Variants in TLDC2 observed in about 807,000 individuals in gnomAD.
The protein encoded by TLDC2 is TBC/LysM-associated domain containing 2.
TLDC2 carries 23 observed loss-of-function variants against 27.9 expected under a neutral mutation model. The ratio of observed to expected loss-of-function variants is 0.82; its 90% CI spans 0.59 to 1.17. TLDC2 has a LOEUF of 1.17. Ranked by LOEUF, TLDC2 falls within the 50% of genes most tolerant of loss-of-function variation. The pLI, the probability that TLDC2 is intolerant of heterozygous loss-of-function variation, is 0.00. For missense variants in TLDC2, 286 were observed against 273.4 expected (o/e 1.05, Z -0.32); for synonymous variants, 124 against 107.4 (o/e 1.16, Z -0.96).
At chr20:36,883,324 A>G (rs1168370491) in intron 4 of TLDC2, among the ~76,000 whole-genome samples, 2 of 151,530 alleles carry the variant, frequency 1.3e-5, no homozygotes, top group African/African-American at 4.9e-5. Flanking sequence ...TTTTGTAGAG[A>G]TGTGGTTTTA....
chr20:36,891,982 G>C (rs1990086117), intron 6 of TLDC2: 1 of 152,346 alleles, frequency 6.6e-6, no homozygotes, highest in Non-Finnish European at 1.5e-5. Context: ...AGCAGGTCAG[G>C]GGAGGCCTTC....
rs746419935 is a variant in TLDC2 at position 36,893,100 on chromosome 20, G to A, written c.*256G>A. On this transcript the variant is annotated 3_prime_UTR_variant, in exon 7 of 7. Transcript: ENST00000217320. ...AAGAGAGAGAAAAACAGGCAATAGA[G>A]AAAAGCCAGTTTCCATCATCTTATT... The A allele has an allele frequency of 6.2e-7, 1 of 1,609,018 alleles. No homozygotes were observed. The highest frequency in any genetic ancestry group is 8.5e-7 in the Non-Finnish European group (1 of 1,179,734).
intron 4 of TLDC2, among the ~76,000 whole-genome samples, chr20:36,883,426 G>A (rs1278940215): frequency 6.6e-6 from 1 of 152,010 alleles, no homozygotes; most frequent in Non-Finnish European, 1.5e-5. Flanking sequence ...CATGAGTGCT[G>A]CATCTGGCCC....
In TLDC2 at chr20:36,891,980, AG is replaced by A. The variant is rs1199281226; in HGVS notation, c.*18-878del. The A allele has an allele frequency of 2.6e-5, 4 of 152,336 alleles. No individual in the cohort carries two copies. The East Asian group carries it at 7.7e-4, about 29-fold the overall frequency. The allele number at this position is 152,336 out of a possible 1,614,324, so 9.4% of individuals were successfully genotyped here. A position where few individuals can be genotyped will look rare whatever the true frequency, so the allele number is the denominator to read the frequency against. ...CTCCAGGATACTGAGAGAGCAGGTC[AG>A]GGGAGGCCTTCTCCAGGCTGGGCAG... On this transcript the variant is annotated intron_variant, in intron 6 of 6. Coordinates refer to ENST00000217320, the MANE Select transcript of TLDC2 (RefSeq NM_080628.3).
intron 4 of TLDC2, among the ~76,000 whole-genome samples, chr20:36,884,875 CTTTTTT>C (rs11480944): frequency 3.9e-5 from 4 of 103,232 alleles, no homozygotes; most frequent in South Asian, 6.3e-4. Flanking sequence ...CACAGAAATT[CTTTTTT>C]TTTTTTTTTT....
At chr20:36,878,930 T>C (rs778960113) in intron 2 of TLDC2, 111 bp from the exon 3 acceptor site, 50 of 1,508,454 alleles carry the variant, frequency 3.3e-5, no homozygotes, top group Non-Finnish European at 4.4e-5. Flanking sequence ...AACTGCTCTA[T>C]CGCCTGTAAA....
At chr20:36,886,718 T>C (rs1989929799) in intron 4 of TLDC2, among the ~76,000 whole-genome samples, 1 of 152,114 alleles carries the variant, frequency 6.6e-6, no homozygotes, top group East Asian at 1.9e-4. Flanking sequence ...CTCAGCCTAC[T>C]GAGTAGCTGG....
chr20:36,878,404 A>G (rs1989724335), intron 2 of TLDC2, among the ~76,000 whole-genome samples: 1 of 152,050 alleles, frequency 6.6e-6, no homozygotes, highest in African/African-American at 2.4e-5. Flanking sequence ...AACATGGCAA[A>G]ACCCTGTCTC....
chr20:36,878,387 C>T (rs1989723892), intron 2 of TLDC2, among the ~76,000 whole-genome samples: 1 of 152,078 alleles, frequency 6.6e-6, no homozygotes, highest in Non-Finnish European at 1.5e-5. Flanking sequence ...TGGAGACGAG[C>T]CTGGCCAACA....
chr20:36,879,711 A>G lies in TLDC2; in HGVS notation c.342+518A>G, dbSNP rs532349587. Among the ~76,000 whole-genome samples, 16 of 151,762 alleles carry G rather than the reference A, an allele frequency of 1.1e-4. No individual in the cohort carries two copies. The South Asian group carries it at 3.3e-3, about 32-fold the overall frequency. On this transcript the variant is annotated intron_variant, in intron 3 of 6. Coordinates refer to ENST00000217320, the MANE Select transcript of TLDC2 (RefSeq NM_080628.3). Reference sequence around the variant, plus strand: ...CCAAAACCAAAAACCAACAACAACCACAAAAAAATTAGCCAGGTGTGGTGG... The same window carrying G: ...CCAAAACCAAAAACCAACAACAACCGCAAAAAAATTAGCCAGGTGTGGTGG...
At chr20:36,878,516 G>T (rs1434302944) in intron 2 of TLDC2, among the ~76,000 whole-genome samples, 2 of 152,138 alleles carry the variant, frequency 1.3e-5, no homozygotes, top group African/African-American at 4.8e-5. Context: ...AGCAGGCGGA[G>T]GTTGCAGTGA....
chr20:36,886,587 G>T (rs1469000440), intron 4 of TLDC2, among the ~76,000 whole-genome samples: 2 of 152,150 alleles, frequency 1.3e-5, no homozygotes, highest in Non-Finnish European at 2.9e-5. Flanking sequence ...GCGAGACTCT[G>T]TCTCAAAAGA....
intron 6 of TLDC2, 157 bp from the exon 7 acceptor site, chr20:36,892,705 G>T: frequency 1.6e-6 from 1 of 609,974 alleles, no homozygotes; most frequent in East Asian, 3.0e-5. Flanking sequence ...AAGGAGAAAG[G>T]CTTTAATAAT....
At chr20:36,887,937 G>T (rs577267715) in intron 5 of TLDC2, among the ~76,000 whole-genome samples, 2 of 152,212 alleles carry the variant, frequency 1.3e-5, no homozygotes, top group African/African-American at 4.8e-5. Flanking sequence ...AAAAAAAGTT[G>T]ATCTCATCCT....
At chr20:36,880,425 G>A (rs1002976084) in intron 3 of TLDC2, among the ~76,000 whole-genome samples, 1 of 151,936 alleles carries the variant, frequency 6.6e-6, no homozygotes, top group African/African-American at 2.4e-5. Context: ...AAAAAGGAGG[G>A]CCCTGACGGC....
Position 36,893,033 on chromosome 20 carries a change from G to T in TLDC2, c.*189G>T, listed in dbSNP as rs1990117713. 1 of 1,613,402 alleles carries T rather than the reference G, an allele frequency of 6.2e-7. No homozygotes were observed. The highest frequency in any genetic ancestry group is 8.5e-7 in the Non-Finnish European group (1 of 1,179,884). On this transcript the variant is annotated 3_prime_UTR_variant, in exon 7 of 7. Transcript: ENST00000217320. ...GTACTGTCGTTCCATTCCTTTTTTT[G>T]AGGTGTTATGAGTGGGGCTATAACA...
rs373874902 is a variant in TLDC2 at position 36,881,712 on chromosome 20, C to G, written c.438+962C>G. 6.6e-5 allele frequency among the ~76,000 whole-genome samples: 10 copies of G among 151,950 alleles called. No individual in the cohort carries two copies. The East Asian group carries it at 1.9e-3, about 29-fold the overall frequency. ...TACAACATGGACAACGGAACCTAAA[C>G]TGGACCAGGAGGGGAGGGGAGAGAA... is the stretch of plus-strand genomic sequence containing the variant. On this transcript the variant is annotated intron_variant, in intron 4 of 6. Coordinates refer to ENST00000217320, the MANE Select transcript of TLDC2 (RefSeq NM_080628.3).
At chr20:36,876,136 T>A (rs1989660573), upstream of TLDC2, 2 of 1,613,736 alleles carry the variant, frequency 1.2e-6, no homozygotes, top group Non-Finnish European at 1.7e-6. Flanking sequence ...GGCTGAGGAT[T>A]CACTCACTGC....
At chr20:36,887,393 C>A in intron 4 of TLDC2, 62 bp from the exon 5 acceptor site, 1 of 1,489,398 alleles carries the variant, frequency 6.7e-7, no homozygotes, top group South Asian at 1.1e-5. Context: ...GGTTCGGGGT[C>A]AAACTGCAAG....
Sources: gnomAD v4.1 joint callset for allele counts (sites outside exome capture counted in the v4.1 genomes callset) on GRCh38, gnomAD v4.1.1 for gene constraint, MANE v1.5 for transcripts, NCBI Gene and HGNC (gene_info 2026-07-23, HGNC 2026-07-21) for gene names.